The following ZC3H7A variants were observed in gnomAD, a reference collection of about 807,000 sequenced individuals.
ZC3H7A encodes zinc finger CCCH-type containing 7A.
ZC3H7A carries 44 observed loss-of-function variants against 125.5 expected under a neutral mutation model. The ratio of observed to expected loss-of-function variants is 0.35; its 90% CI spans 0.28 to 0.45. The LOEUF is 0.45. Among genes scored for constraint, ZC3H7A ranks in the 20% least tolerant of loss-of-function variants. The pLI, the probability that ZC3H7A is intolerant of heterozygous loss-of-function variation, is 1.00. For missense variants in ZC3H7A, 977 were observed against 1,170.7 expected, an observed-to-expected ratio of 0.83 and a Z score of 2.41; for synonymous variants, 399 against 391.2, an observed-to-expected ratio of 1.02 and a Z score of -0.23.
chr16:11,759,047 G>A (rs2052698516), intron 19 of ZC3H7A: 1 of 153,140 alleles, frequency 6.5e-6, no homozygotes, highest in African/African-American at 2.4e-5. Context: ...TGCATTATCA[G>A]AAGACAATTA....
chr16:11,782,234 C>G, intron 2 of ZC3H7A, 53 bp downstream of exon 2: 1 of 1,601,686 alleles, frequency 6.2e-7, no homozygotes, highest in Non-Finnish European at 8.6e-7. Flanking sequence ...AAACATACAT[C>G]CACACCAAAG....
In ZC3H7A at chr16:11,768,419, A is replaced by G. The variant is rs761745197; in HGVS notation, c.1256T>C (p.Phe419Ser). 3.1e-6 allele frequency: 5 copies of G among 1,595,592 alleles called. No individual in the cohort carries two copies. The South Asian group carries it at 5.7e-5, about 18-fold the overall frequency. ...AGATGGTTTGGTAACTGCACTTCCAAAAAAGTTTCCAAAGTCATTTCTAGG... is the reference window on the plus strand; with the variant it reads ...AGATGGTTTGGTAACTGCACTTCCAGAAAAGTTTCCAAAGTCATTTCTAGG... ...SQPRNDFGNF[F>S]GSAVTKPSSS... The change falls in exon 12 of 23, where the codon TTT becomes TCT. Residue 419 changes from phenylalanine to serine, a missense_variant. This residue lies in a region of ZC3H7A where 342 missense variants were observed against 311.3 expected (regional missense o/e 1.10). Transcript: ENST00000355758.
chr16:11,773,167 G>C (rs983163910), intron 9 of ZC3H7A, among the ~76,000 whole-genome samples: 1 of 151,864 alleles, frequency 6.6e-6, no homozygotes, highest in Non-Finnish European at 1.5e-5. Flanking sequence ...CCAGAAATTG[G>C]AATGTCATAT....
In ZC3H7A at chr16:11,770,925, C is replaced by T. The variant is rs767818556; in HGVS notation, c.966G>A (p.Ser322=). ...TASVSPSMPF[S]ASLLGTLPIG... The stretch of plus-strand genomic sequence containing the variant: ...TGGGTAAGGTTCCTAACAGCGATGC[C>T]GAAAAGGGCATGCTAGGAGAGACAC... Residue 322 remains serine (S), a synonymous_variant, in exon 10 of 23, where the codon TCG becomes TCA. Transcript: ENST00000355758. The T allele has an allele frequency of 1.5e-5, 24 of 1,613,912 alleles. No homozygotes were observed. In the East Asian group the frequency reaches 1.6e-4, roughly 10 times the overall value.
rs1350796671 is a variant in ZC3H7A, at chr16:11,765,754, G to A, written c.1523-69C>T. Reference sequence around the variant, plus strand: ...GGCCTGTACTCCCAGCTACTTGGGAGGCTGAGGTGGGAGGATCCCTTGAGC... The same window carrying A: ...GGCCTGTACTCCCAGCTACTTGGGAAGCTGAGGTGGGAGGATCCCTTGAGC... On this transcript the variant is annotated intron_variant, in intron 13 of 22. Transcript: ENST00000355758. The surrounding 1 kb of genome is among the most constrained non-coding windows in gnomAD (Gnocchi z 4.8). 1.4e-6 allele frequency: 2 copies of A among 1,478,902 alleles called. No homozygotes were observed. Among genetic ancestry groups the A allele is most frequent in the East Asian group, 4.7e-5 (2 of 42,234 alleles). 91.6% of individuals were successfully genotyped at this position (1,478,902 alleles called of 1,614,324 possible).
intron 10 of ZC3H7A, among the ~76,000 whole-genome samples, chr16:11,769,395 G>C (rs575691474): frequency 1.3e-5 from 2 of 152,094 alleles, no homozygotes; most frequent in South Asian, 4.2e-4. Context: ...TTCAAAAATG[G>C]GAAAAGAGCC....
chr16:11,767,662 A>T, intron 12 of ZC3H7A, 84 bp from the exon 13 acceptor site: 1 of 1,285,238 alleles, frequency 7.8e-7, no homozygotes, highest in Non-Finnish European at 1.0e-6. Flanking sequence ...AGACATGAAC[A>T]GATGAACATC....
rs1567385281 is a variant in ZC3H7A at position 11,774,366 on chromosome 16, G to A, written c.773C>T (p.Ala258Val). The change falls in exon 9 of 23, where the codon GCA becomes GTA. Residue 258 changes from alanine (A) to valine (V), a missense_variant. Coordinates refer to ENST00000355758, the MANE Select transcript of ZC3H7A (RefSeq NM_014153.4). ...CATCTTTCCTCCATTTGCCAGCACTGCAGATGGCAGAGCGCTCTCTTCCAC... is the reference window on the plus strand; with the variant it reads ...CATCTTTCCTCCATTTGCCAGCACTACAGATGGCAGAGCGCTCTCTTCCAC... ...LQVEESALPS[A>V]VLANGGKMPF... 9 of 1,613,880 alleles carry A rather than the reference G, an allele frequency of 5.6e-6. No homozygotes were observed. Among genetic ancestry groups the A allele is most frequent in the Non-Finnish European group, 7.6e-6 (9 of 1,179,948 alleles).
At chr16:11,794,999 C>A (rs2053413214) in intron 1 of ZC3H7A, among the ~76,000 whole-genome samples, 1 of 152,116 alleles carries the variant, frequency 6.6e-6, no homozygotes, top group Admixed American at 6.5e-5. Context: ...TCAACGGGCT[C>A]TTTGTAGAAT....
chr16:11,768,961 A>G (rs2141184696), intron 11 of ZC3H7A, 70 bp downstream of exon 11: 2 of 1,464,380 alleles, frequency 1.4e-6, no homozygotes, highest in Middle Eastern at 1.9e-4. Flanking sequence ...GTTCATTCAA[A>G]TAACTCGGTT....
intron 1 of ZC3H7A, among the ~76,000 whole-genome samples, chr16:11,795,564 T>C (rs1478690898): frequency 1.3e-5 from 2 of 151,592 alleles, no homozygotes; most frequent in Non-Finnish European, 2.9e-5. Context: ...GCCTCCCCAG[T>C]AGCTGGGATT....
chr16:11,769,202 C>T lies in ZC3H7A; in HGVS notation c.1109-107G>A, dbSNP rs1220317172. 8 of 923,612 alleles carry T rather than the reference C, an allele frequency of 8.7e-6. No individual in the cohort carries two copies. The East Asian group carries it at 1.8e-4, about 20-fold the overall frequency. 57.2% of individuals were successfully genotyped at this position (923,612 alleles called of 1,614,324 possible). On this transcript the variant is annotated intron_variant, in intron 10 of 22. Transcript: ENST00000355758. Reference sequence around the variant, plus strand: ...ATGGCCTCCCACGCTATTCTCCCGTCCCAGTTTCTAGAAATTTTCTTGCTC... The same window carrying T: ...ATGGCCTCCCACGCTATTCTCCCGTTCCAGTTTCTAGAAATTTTCTTGCTC...
chr16:11,780,528 C>T (rs1023028996), intron 3 of ZC3H7A, among the ~76,000 whole-genome samples: 2 of 152,066 alleles, frequency 1.3e-5, no homozygotes, highest in Non-Finnish European at 2.9e-5. Flanking sequence ...ATTATTTTAG[C>T]TGATTAAATT....
At chr16:11,785,852 C>T (rs911735715) in intron 1 of ZC3H7A, among the ~76,000 whole-genome samples, 4 of 152,214 alleles carry the variant, frequency 2.6e-5, no homozygotes, top group Non-Finnish European at 5.9e-5. Context: ...ATCTCCTGAC[C>T]TCATGATCTG....
At chr16:11,796,396 C>CG (rs1335742862) in intron 1 of ZC3H7A, 2 of 152,256 alleles carry the variant, frequency 1.3e-5, no homozygotes, top group Non-Finnish European at 2.9e-5. Context: ...ATACCGAACA[C>CG]GGGCAACTCC....
Position 11,765,828 on chromosome 16 carries a change from G to T in ZC3H7A, c.1523-143C>A. 1.7e-6 allele frequency: 1 copy of T among 598,180 alleles called. No homozygotes were observed. The highest frequency in any genetic ancestry group is 2.7e-6 in the Non-Finnish European group (1 of 373,748). 37.1% of individuals were successfully genotyped at this position (598,180 alleles called of 1,614,324 possible). A position where few individuals can be genotyped will look rare whatever the true frequency, so the allele number is the denominator to read the frequency against. On this transcript the variant is annotated intron_variant, in intron 13 of 22. Transcript: ENST00000355758. The surrounding 1 kb of genome is among the most constrained non-coding windows in gnomAD (Gnocchi z 4.8). Reference sequence around the variant, plus strand: ...GCAATGATCTTGCCACTGCACTCCAGCCTGGGCAACAGAGCAAGTCCCAGT... The same window carrying T: ...GCAATGATCTTGCCACTGCACTCCATCCTGGGCAACAGAGCAAGTCCCAGT...
In ZC3H7A at chr16:11,781,550, C is replaced by T. The variant is rs895812136; in HGVS notation, c.69-86G>A. On this transcript the variant is annotated intron_variant, in intron 2 of 22. Transcript: ENST00000355758. ...AGAAGTCATCTTAAATCTGTGGTTC[C>T]ATTAGCTTGCCACTGGTTCAAGGCA... 37 of 1,395,588 alleles carry T rather than the reference C, an allele frequency of 2.7e-5. No individual in the cohort carries two copies. In the Admixed American group the frequency reaches 2.9e-4, roughly 11 times the overall value. 86.5% of individuals were successfully genotyped at this position (1,395,588 alleles called of 1,614,324 possible).
intron 21 of ZC3H7A, 43 bp from the exon 22 acceptor site, chr16:11,752,875 T>G (rs1168053198): frequency 1.3e-6 from 2 of 1,588,916 alleles, no homozygotes; most frequent in Admixed American, 1.8e-5. Flanking sequence ...TCACCTGATG[T>G]GAGATCCAGA....
chr16:11,788,529 G>C (rs112446382), intron 1 of ZC3H7A, among the ~76,000 whole-genome samples: 1 of 151,802 alleles, frequency 6.6e-6, no homozygotes, highest in African/African-American at 2.4e-5. Flanking sequence ...TTGCCCTTCC[G>C]CCCGTTTGCC....
Sources: gnomAD v4.1 joint callset for allele counts (sites outside exome capture counted in the v4.1 genomes callset) on GRCh38, gnomAD v4.1.1 for gene constraint, gnomAD v4.1.1 regional missense constraint, Gnocchi (gnomAD v3.1) non-coding constraint, MANE v1.5 for transcripts, NCBI Gene and HGNC (gene_info 2026-07-23, HGNC 2026-07-21) for gene names.